The following ARHGAP33 variants were observed in gnomAD, a reference collection of about 807,000 sequenced individuals.
The protein encoded by ARHGAP33 is rho GTPase-activating protein 33.
In ARHGAP33, 57 loss-of-function variants were observed where a neutral mutation model predicts 126.2. The ratio of observed to expected loss-of-function variants is 0.45; its 90% CI spans 0.36 to 0.56. The LOEUF is 0.56. ARHGAP33 is among the 20% of genes least tolerant of loss of function. The pLI is 0.00. For missense variants in ARHGAP33, 1,500 were observed against 1,748.3 expected, an observed-to-expected ratio of 0.86 and a Z score of 2.53; for synonymous variants, 711 against 755.0, an observed-to-expected ratio of 0.94 and a Z score of 0.95.
chr19:35,777,494 A>G (rs1971516364), intron 1 of ARHGAP33, 151 bp from the exon 2 acceptor site: 1 of 666,792 alleles, frequency 1.5e-6, no homozygotes, highest in Non-Finnish European at 2.7e-6. Context: ...TCCTCAGCCC[A>G]GCCCTCACCT....
rs1011955661 is a variant in ARHGAP33 at position 35,785,055 on chromosome 19, G to A, written c.1670G>A (p.Gly557Glu). Residue 557 changes from glycine (G) to glutamate (E), a missense_variant, in exon 17 of 21, where the codon GGG becomes GAG. This residue lies in a region of ARHGAP33 where 300 missense variants were observed against 291.1 expected (regional missense o/e 1.03). Coordinates refer to ENST00000007510, the MANE Select transcript of ARHGAP33 (RefSeq NM_001366178.1). ...CAGGCACGCACCCAGGGCCGGCTGG[G>A]GACGCCCACGGAGCCCACAACTCCC... ...EAQARTQGRL[G>E]TPTEPTTPKA... The A allele has an allele frequency of 1.9e-6, 3 of 1,557,734 alleles. No homozygotes were observed. The Admixed American group carries it at 5.8e-5, about 30-fold the overall frequency.
intron 4 of ARHGAP33, 39 bp from the exon 5 acceptor site, chr19:35,778,425 A>G (rs1288674017): frequency 3.1e-6 from 5 of 1,614,012 alleles, no homozygotes; most frequent in East Asian, 2.2e-5. Context: ...GCTCGGTGTC[A>G]TGGGGCCCCT....
chr19:35,781,115 G>T, intron 11 of ARHGAP33, 35 bp from the exon 12 acceptor site: 1 of 1,607,126 alleles, frequency 6.2e-7, no homozygotes, highest in Non-Finnish European at 8.5e-7. Flanking sequence ...CACCAGGGCT[G>T]CGGCCCACCC....
intron 3 of ARHGAP33, 115 bp from the exon 4 acceptor site, chr19:35,778,165 G>A (rs1881504068): frequency 5.5e-6 from 6 of 1,099,424 alleles, no homozygotes; most frequent in Non-Finnish European, 8.1e-6. Flanking sequence ...ACATCACCAG[G>A]CCCTGTCCTC....
Position 35,778,302 on chromosome 19 carries a change from A to G in ARHGAP33, c.212A>G (p.Glu71Gly). The G allele has an allele frequency of 6.2e-7, 1 of 1,614,172 alleles. No homozygotes were observed. Reference protein sequence around the residue: ...HIQLLLSPDREGPSLSGENEL... With the variant: ...HIQLLLSPDRGGPSLSGENEL... ...CAGCTCCTGCTGTCTCCAGACCGTG[A>G]AGGGCCCAGCCTCTCTGGAGAGAAT... The change falls in exon 4 of 21, where the codon GAA (glutamate) becomes GGA (glycine). Residue 71 changes from glutamate to glycine, a missense_variant. By Grantham distance (98) the Glu-to-Gly change is moderately conservative (BLOSUM62 -2). This residue lies in a region of ARHGAP33 where 129 missense variants were observed against 145.9 expected (regional missense o/e 0.88). Transcript: ENST00000007510.
rs1484423468 is a variant in ARHGAP33 at position 35,782,682 on chromosome 19, A to G, written c.1313+3A>G. On this transcript the variant is annotated splice_donor_region_variant and intron_variant, in intron 14 of 20. Transcript: ENST00000007510. This position sits in a 1 kb window ranked among gnomAD's most constrained non-coding sequence, Gnocchi z 4.1. ...CAGCTGCCCCCACCACATTACAGGT[A>G]AACCAGGAGGGGCAGGGCGGGACTT... 1.2e-6 allele frequency: 2 copies of G among 1,612,650 alleles called. No homozygotes were observed. The highest frequency in any genetic ancestry group is 3.3e-5 in the Admixed American group (2 of 59,792).
In ARHGAP33 at chr19:35,782,996, C is replaced by T. The variant is rs1450044481; in HGVS notation, c.1421+127C>T. On this transcript the variant is annotated intron_variant, in intron 15 of 20. Coordinates refer to ENST00000007510, the MANE Select transcript of ARHGAP33 (RefSeq NM_001366178.1). This position sits in a 1 kb window ranked among gnomAD's most constrained non-coding sequence, Gnocchi z 4.1. ...TCAAATACCTCCCATGGACCTGGCC[C>T]CGTCCCTAGCACTGGGGACCCAGCA... 1 of 798,924 alleles carries T rather than the reference C, an allele frequency of 1.3e-6. No individual in the cohort carries two copies. Among genetic ancestry groups the T allele is most frequent in the Non-Finnish European group, 2.0e-6 (1 of 498,700 alleles). 49.5% of individuals were successfully genotyped at this position (798,924 alleles called of 1,614,324 possible). A position where few individuals can be genotyped will look rare whatever the true frequency, so the allele number is the denominator to read the frequency against.
At position 35,785,216 on chromosome 19, in the gene ARHGAP33, G is replaced by A; in HGVS notation, c.1749G>A (p.Gln583=). The A allele has an allele frequency of 6.3e-7, 1 of 1,580,064 alleles. No individual in the cohort carries two copies. Among genetic ancestry groups the A allele is most frequent in the East Asian group, 2.3e-5 (1 of 44,290 alleles). ...ERRKGERGEK[Q]RKPGGSSWKT... ...GGAAAGGGGAGAGAGGGGAGAAGCA[G>A]CGGAAGCCAGGGGGCAGCAGCTGGA... The change falls in exon 18 of 21, where the codon CAG becomes CAA. Residue 583 remains glutamine (Q), a synonymous_variant. Transcript: ENST00000007510.
At position 35,788,520 on chromosome 19, in the gene ARHGAP33, C is replaced by G. The variant is rs913050145; in HGVS notation, c.*91C>G. 2.6e-6 allele frequency: 3 copies of G among 1,163,232 alleles called. No individual in the cohort carries two copies. The South Asian group carries it at 5.1e-5, about 20-fold the overall frequency. The allele number at this position is 1,163,232 out of a possible 1,614,324, so 72.1% of individuals were successfully genotyped here. On this transcript the variant is annotated 3_prime_UTR_variant, in exon 21 of 21. Transcript: ENST00000007510. ...CCTTGTTTTGTATTTTCTTGAACCCCGACCACTACCCCAGGTTTCTAACTT... is the reference window on the plus strand; with the variant it reads ...CCTTGTTTTGTATTTTCTTGAACCCGGACCACTACCCCAGGTTTCTAACTT...
At chr19:35,781,469 T>C (rs1028265067) in intron 12 of ARHGAP33, among the ~76,000 whole-genome samples, 7 of 152,108 alleles carry the variant, frequency 4.6e-5, no homozygotes, top group African/African-American at 1.7e-4. Context: ...TTCTAGGCAC[T>C]GGGGACGCAG....
chr19:35,784,131 G>A, intron 15 of ARHGAP33, 41 bp from the exon 16 acceptor site: 1 of 1,572,996 alleles, frequency 6.4e-7, no homozygotes, highest in Non-Finnish European at 8.7e-7. Context: ...CTGCTGGCTG[G>A]GCTCAAGGCA....
At chr19:35,777,075 G>A (rs576247144) in intron 1 of ARHGAP33, among the ~76,000 whole-genome samples, 55 of 152,280 alleles carry the variant, frequency 3.6e-4, no homozygotes, top group African/African-American at 1.3e-3. Flanking sequence ...AGCTCTGAGA[G>A]TGGGGGCAAT....
Position 35,784,986 on chromosome 19 carries a change from C to A in ARHGAP33, c.1601C>A (p.Ala534Glu). ...CTGCTCCCCAGGCCCAAGTCCCTTG[C>A]GGGCAGCTGCCCCTCCACCCGCCTG... is the stretch of plus-strand genomic sequence containing the variant. The part of the protein sequence containing the change: ...RCLLPRPKSL[A>E]GSCPSTRLLT... The change falls in exon 17 of 21, where the codon GCG becomes GAG. Residue 534 changes from alanine (A) to glutamate (E), a missense_variant. Physicochemically the swap from Ala to Glu is moderately radical, Grantham distance 107 (BLOSUM62 -1). This residue lies in a region of ARHGAP33 where 300 missense variants were observed against 291.1 expected (regional missense o/e 1.03). Transcript: ENST00000007510. The A allele has an allele frequency of 1.3e-6, 2 of 1,545,504 alleles. No homozygotes were observed. Among genetic ancestry groups the A allele is most frequent in the East Asian group, 2.4e-5 (1 of 40,942 alleles).
intron 8 of ARHGAP33, 30 bp from the exon 9 acceptor site, chr19:35,780,552 G>T: frequency 6.2e-7 from 1 of 1,613,370 alleles, no homozygotes; most frequent in Non-Finnish European, 8.5e-7. Flanking sequence ...CAACTGGGGT[G>T]GCCCAGCTAC....
chr19:35,777,529 T>C lies in ARHGAP33; in HGVS notation c.7-116T>C. ...TCCCCCGACCTGCCATCCTGCTTCA[T>C]GCTCAGGGCGGTGTGTGGAGCGCCC... On this transcript the variant is annotated intron_variant, in intron 1 of 20. Coordinates refer to ENST00000007510, the MANE Select transcript of ARHGAP33 (RefSeq NM_001366178.1). 8.8e-6 allele frequency: 7 copies of C among 794,414 alleles called. No individual in the cohort carries two copies. In the South Asian group the frequency reaches 9.1e-5, roughly 10 times the overall value. 49.2% of individuals were successfully genotyped at this position (794,414 alleles called of 1,614,324 possible).
intron 6 of ARHGAP33, among the ~76,000 whole-genome samples, chr19:35,779,363 T>C (rs1032458939): frequency 6.6e-6 from 1 of 152,128 alleles, no homozygotes; most frequent in Non-Finnish European, 1.5e-5. Flanking sequence ...TTTAAATGTA[T>C]ATCAGTTAGA....
At position 35,786,132 on chromosome 19, in the gene ARHGAP33, C is replaced by T. The variant is rs962240543; in HGVS notation, c.1943-281C>T. 5.3e-5 allele frequency: 71 copies of T among 1,328,608 alleles called. No homozygotes were observed. Among genetic ancestry groups the T allele is most frequent in the Non-Finnish European group, 6.8e-5 (71 of 1,042,030 alleles). 82.3% of individuals were successfully genotyped at this position (1,328,608 alleles called of 1,614,324 possible). On this transcript the variant is annotated intron_variant, in intron 19 of 20. Coordinates refer to ENST00000007510, the MANE Select transcript of ARHGAP33 (RefSeq NM_001366178.1). This position sits in a 1 kb window ranked among gnomAD's most constrained non-coding sequence, Gnocchi z 7.0. ...ATCCTCACACTCCTGGGGTACTGCC[C>T]TCCCACATACCCAGGAGCCCAGGTG...
intron 1 of ARHGAP33, 69 bp downstream of exon 1, chr19:35,775,733 G>C: frequency 7.1e-7 from 1 of 1,412,260 alleles, no homozygotes; most frequent in Non-Finnish European, 9.4e-7. Context: ...GCCCCGCCCC[G>C]CGCGCCCCGC....
Position 35,785,294 on chromosome 19 carries a change from G to A in ARHGAP33, c.1827G>A (p.Leu609=). ...RGPSVPRKKP[L]PWLGGTRAPP... ...CCAGTGTCCCTCGAAAGAAGCCCCTGCCCTGGCTGGGGGGCACCCGTGCCC... is the reference window on the plus strand; with the variant it reads ...CCAGTGTCCCTCGAAAGAAGCCCCTACCCTGGCTGGGGGGCACCCGTGCCC... The change falls in exon 18 of 21, where the codon CTG becomes CTA. Residue 609 remains leucine, a synonymous_variant. Transcript: ENST00000007510. 2 of 1,604,416 alleles carry A rather than the reference G, an allele frequency of 1.2e-6. No homozygotes were observed. The highest frequency in any genetic ancestry group is 1.7e-6 in the Non-Finnish European group (2 of 1,174,930).
Sources: allele counts gnomAD v4.1 joint callset (sites outside exome capture counted in the v4.1 genomes callset), GRCh38; gene constraint gnomAD v4.1.1; regional missense constraint gnomAD v4.1.1; non-coding constraint Gnocchi (gnomAD v3.1); transcripts MANE v1.5; gene names NCBI Gene and HGNC (gene_info 2026-07-23, HGNC 2026-07-21).